The following ANPEP variants were observed in gnomAD, a reference collection of about 807,000 sequenced individuals.
The protein encoded by ANPEP is alanyl aminopeptidase, membrane.
A neutral mutation model predicts 114.6 loss-of-function variants in ANPEP; 70 were observed. The ratio of observed to expected loss-of-function variants is 0.61; its 90% CI spans 0.50 to 0.75. ANPEP has a LOEUF of 0.75. Ranked by LOEUF, ANPEP falls within the 30% of genes least tolerant of loss-of-function variation. The pLI is 0.00. For missense variants in ANPEP, 1,184 were observed against 1,259.5 expected (o/e 0.94, Z 0.91); for synonymous variants, 548 against 522.3 (o/e 1.05, Z -0.67).
chr15:89,791,476 C>T (rs949450657), intron 18 of ANPEP, among the ~76,000 whole-genome samples: 7 of 152,008 alleles, frequency 4.6e-5, no homozygotes, highest in South Asian at 2.1e-4. Flanking sequence ...CTCACTCTGT[C>T]GCCCAGGCTG....
At chr15:89,810,311 A>G (rs1274317666) in intron 1 of ANPEP, among the ~76,000 whole-genome samples, 1 of 152,120 alleles carries the variant, frequency 6.6e-6, no homozygotes, top group African/African-American at 2.4e-5. Flanking sequence ...CTCGGGAGGC[A>G]GAGGTTGCAG....
intron 15 of ANPEP, among the ~76,000 whole-genome samples, chr15:89,793,833 CCTT>C (rs1343628937): frequency 6.6e-6 from 1 of 152,074 alleles, no homozygotes; most frequent in Non-Finnish European, 1.5e-5. Flanking sequence ...TGCATTTACA[CCTT>C]CTTTTTTCTA....
At chr15:89,791,251 T>C (rs1021462362) in intron 18 of ANPEP, among the ~76,000 whole-genome samples, 158 bp from the exon 19 acceptor site, 2 of 152,114 alleles carry the variant, frequency 1.3e-5, no homozygotes, top group Non-Finnish European at 2.9e-5. Context: ...CCTCTATAGA[T>C]GGAAAACTGA....
intron 15 of ANPEP, among the ~76,000 whole-genome samples, chr15:89,793,581 T>C (rs777104667): frequency 2.0e-5 from 3 of 151,766 alleles, no homozygotes; most frequent in Non-Finnish European, 4.4e-5. Context: ...TGCACACCTG[T>C]ATTCCCAGCT....
intron 6 of ANPEP, 24 bp from the exon 7 acceptor site, chr15:89,804,026 G>C (rs1375936083): frequency 6.2e-7 from 1 of 1,609,490 alleles, no homozygotes; most frequent in Admixed American, 1.7e-5. Context: ...GGTCAGCTGG[G>C]CAAGCCACGC....
At chr15:89,787,378 T>C (rs934792408) in intron 20 of ANPEP, among the ~76,000 whole-genome samples, 3 of 152,166 alleles carry the variant, frequency 2.0e-5, no homozygotes, top group Non-Finnish European at 2.9e-5. Flanking sequence ...CGTCAGGTCT[T>C]TTGTGGGTTT....
At chr15:89,800,290 G>A (rs555072611) in intron 12 of ANPEP, among the ~76,000 whole-genome samples, 3 of 152,094 alleles carry the variant, frequency 2.0e-5, no homozygotes, top group East Asian at 3.9e-4. Flanking sequence ...CACCTCCTCC[G>A]GGAAGCCCTC....
chr15:89,806,311 C>A lies in ANPEP; in HGVS notation c.273G>T (p.Pro91=). 1 of 1,614,132 alleles carries A rather than the reference C, an allele frequency of 6.2e-7. No individual in the cohort carries two copies. Among genetic ancestry groups the A allele is most frequent in the East Asian group, 2.2e-5 (1 of 44,874 alleles). The change falls in exon 2 of 21, where the codon CCG becomes CCT. Residue 91 remains proline, a synonymous_variant. Transcript: ENST00000300060. The surrounding 1 kb of genome is among the most constrained non-coding windows in gnomAD (Gnocchi z 5.7). The part of the protein sequence containing the change: ...KPDSYRVTLR[P]YLTPNDRGLY... ...GGCCCCTGTCATTGGGGGTGAGGTA[C>A]GGTCTCAGCGTCACCCGGTAGGAAT...
intron 12 of ANPEP, 30 bp downstream of exon 12, chr15:89,801,081 G>A (rs769825239): frequency 1.3e-6 from 2 of 1,598,830 alleles, no homozygotes; most frequent in East Asian, 2.2e-5. Context: ...TGGGGTGGGG[G>A]CTGCTGCCCA....
Position 89,805,222 on chromosome 15 carries a change from G to T in ANPEP, c.758-5C>A. On this transcript the variant is annotated splice_region_variant and splice_polypyrimidine_tract_variant and intron_variant, in intron 3 of 20. Coordinates refer to ENST00000300060, the MANE Select transcript of ANPEP (RefSeq NM_001150.3). ...CTGGAAGTGGGGTGCTGGGACCTGG[G>T]CAGGGAGCATGTGTGTGTGAGGACG... 1 of 1,614,214 alleles carries T rather than the reference G, an allele frequency of 6.2e-7. No individual in the cohort carries two copies. The highest frequency in any genetic ancestry group is 8.5e-7 in the Non-Finnish European group (1 of 1,180,036).
chr15:89,786,385 A>ATTTT (rs1968507136), intron 20 of ANPEP, among the ~76,000 whole-genome samples: 2 of 86,464 alleles, frequency 2.3e-5, no homozygotes, highest in Admixed American at 9.9e-5. Flanking sequence ...AATTTTAACT[A>ATTTT]CTTTTTTTTT....
intron 19 of ANPEP, 66 bp from the exon 20 acceptor site, chr15:89,790,607 T>C: frequency 7.2e-7 from 1 of 1,395,030 alleles, no homozygotes; most frequent in Non-Finnish European, 1.0e-6. Flanking sequence ...TCCTCACACC[T>C]ACTGGGTAGG....
chr15:89,794,705 C>T (rs781472552), intron 15 of ANPEP, among the ~76,000 whole-genome samples: 43 of 152,064 alleles, frequency 2.8e-4, no homozygotes, highest in Non-Finnish European at 7.4e-5. Flanking sequence ...GTCACCAGAC[C>T]ACAGTGGGAG....
Position 89,785,319 on chromosome 15 carries a change from T to C in ANPEP, c.*30A>G. The C allele has an allele frequency of 6.2e-7, 1 of 1,612,758 alleles. No individual in the cohort carries two copies. The highest frequency in any genetic ancestry group is 1.3e-5 in the African/African-American group (1 of 74,404). ...GATGGACACATGTGGGCACCTTGCA[T>C]GGGGGCCGGGTGACTTCAAGGGCTG... On this transcript the variant is annotated 3_prime_UTR_variant, in exon 21 of 21. Transcript: ENST00000300060.
chr15:89,793,214 G>A lies in ANPEP; in HGVS notation c.2158-88C>T, dbSNP rs79798527. ...GAGCCTCTGATGTTGGGGGGCAGGCGCTGGCAGAGACGTCAGAGGTCAGGG... is the reference window on the plus strand; with the variant it reads ...GAGCCTCTGATGTTGGGGGGCAGGCACTGGCAGAGACGTCAGAGGTCAGGG... On this transcript the variant is annotated intron_variant, in intron 15 of 20. Coordinates refer to ENST00000300060, the MANE Select transcript of ANPEP (RefSeq NM_001150.3). The A allele has an allele frequency of 5.8e-4, 703 of 1,207,178 alleles. 8 individuals carry two copies. In the East Asian group the frequency reaches 0.013, roughly 22 times the overall value. The allele number at this position is 1,207,178 out of a possible 1,614,324, so 74.8% of individuals were successfully genotyped here.
At position 89,803,201 on chromosome 15, in the gene ANPEP, C is replaced by A; in HGVS notation, c.1569+38G>T. On this transcript the variant is annotated intron_variant, in intron 10 of 20. Coordinates refer to ENST00000300060, the MANE Select transcript of ANPEP (RefSeq NM_001150.3). This position sits in a 1 kb window ranked among gnomAD's most constrained non-coding sequence, Gnocchi z 4.2. ...CAGGTACCTTCAGCATCTCAAGACCCCAACAGGATGGCTGTGGAGGGGCTG... is the reference window on the plus strand; with the variant it reads ...CAGGTACCTTCAGCATCTCAAGACCACAACAGGATGGCTGTGGAGGGGCTG... The A allele has an allele frequency of 6.2e-7, 1 of 1,603,204 alleles. No individual in the cohort carries two copies. Among genetic ancestry groups the A allele is most frequent in the East Asian group, 2.2e-5 (1 of 44,826 alleles).
chr15:89,812,481 C>A (rs1894834134), intron 1 of ANPEP, among the ~76,000 whole-genome samples: 1 of 152,206 alleles, frequency 6.6e-6, no homozygotes, highest in South Asian at 2.1e-4. Context: ...GCCCCTCCTG[C>A]AAGAACCTCA....
intron 15 of ANPEP, among the ~76,000 whole-genome samples, chr15:89,797,288 G>A (rs1486161983): frequency 3.3e-5 from 5 of 152,170 alleles, no homozygotes; most frequent in South Asian, 2.1e-4. Flanking sequence ...ATCAACAAAC[G>A]TTGCTGAAGT....
rs753133058 is a variant in ANPEP, at chr15:89,806,391, A to AGGTGGTGGCCGAGGCGGGGTT, written c.172_192dup (p.Asn58_Thr64dup). 4.5e-5 allele frequency: 72 copies of AGGTGGTGGCCGAGGCGGGGTT among 1,613,918 alleles called. No homozygotes were observed. The highest frequency in any genetic ancestry group is 8.9e-5 in the East Asian group (4 of 44,872). The stretch of plus-strand genomic sequence containing the variant: ...CGATTCCACGCTTTACTTTGGTCCA[A>AGGTGGTGGCCGAGGCGGGGTT]GGTGGTGGCCGAGGCGGGGTTGGTG... On this transcript the variant is annotated inframe_insertion, in exon 2 of 21. Transcript: ENST00000300060. The surrounding 1 kb of genome is among the most constrained non-coding windows in gnomAD (Gnocchi z 5.7).
Sources: allele counts gnomAD v4.1 joint callset (sites outside exome capture counted in the v4.1 genomes callset), GRCh38; gene constraint gnomAD v4.1.1; non-coding constraint Gnocchi (gnomAD v3.1); transcripts MANE v1.5; gene names NCBI Gene and HGNC (gene_info 2026-07-23, HGNC 2026-07-21).